Variants in FHIP2A observed in about 807,000 individuals in gnomAD.
FHIP2A encodes family with sequence similarity 160 member B1.
FHIP2A carries 46 observed loss-of-function variants against 93.5 expected under a neutral mutation model. The observed-to-expected ratio is 0.49, with a 90% CI of 0.39 to 0.63. FHIP2A has a LOEUF of 0.63. Among genes scored for constraint, FHIP2A ranks in the 20% least tolerant of loss-of-function variants. The pLI is 0.00. For synonymous variants in FHIP2A, 332 were observed against 326.5 expected (o/e 1.02, Z -0.18); for missense variants, 769 against 909.7 (o/e 0.85, Z 1.99).
In FHIP2A at chr10:114,822,082, T is replaced by A; in HGVS notation, c.4T>A (p.Phe2Ile). The change falls in exon 1 of 17, where the codon TTC (phenylalanine) becomes ATC (isoleucine). Residue 2 changes from phenylalanine to isoleucine, a missense_variant. Physicochemically the swap from Phe to Ile is conservative, Grantham distance 21. Transcript: ENST00000369248. ...GCTGCTGCAGTCCCGGGACAGGATGTTCTCCAAGTTCACCTCCATCCTGCA... is the reference window on the plus strand; with the variant it reads ...GCTGCTGCAGTCCCGGGACAGGATGATCTCCAAGTTCACCTCCATCCTGCA... Reference protein sequence around the residue: MFSKFTSILQHA... With the variant: MISKFTSILQHA... 1 of 1,338,960 alleles carries A rather than the reference T, an allele frequency of 7.5e-7. No individual in the cohort carries two copies. The highest frequency in any genetic ancestry group is 1.8e-5 in the South Asian group (1 of 54,944). The allele number at this position is 1,338,960 out of a possible 1,614,324, so 82.9% of individuals were successfully genotyped here.
chr10:114,890,750 TAC>T (rs2083968320), intron 16 of FHIP2A, among the ~76,000 whole-genome samples: 1 of 145,066 alleles, frequency 6.9e-6, no homozygotes, highest in Non-Finnish European at 1.5e-5. Context: ...GTATATGACA[TAC>T]ATATAGTATA....
chr10:114,887,764 G>T lies in FHIP2A; in HGVS notation c.2193-11726G>T, dbSNP rs60827950. ...AGGGTGTTTACATATACAAGGCATT[G>T]TACCAGGCTGTGAGAATGCCACACC... On this transcript the variant is annotated intron_variant, in intron 16 of 16. Transcript: ENST00000369250. Among the ~76,000 whole-genome samples, 125 of 152,296 alleles carry T rather than the reference G, an allele frequency of 8.2e-4. No homozygotes were observed. In the East Asian group the frequency reaches 0.015, roughly 19 times the overall value.
At chr10:114,836,499 A>G (rs11196941) in intron 5 of FHIP2A, among the ~76,000 whole-genome samples, 62,157 of 152,056 alleles carry the variant, frequency 0.41, 13,313 homozygotes, top group Non-Finnish European at 0.48. Flanking sequence ...TTAAAAGAGG[A>G]CAGCTTGAAG....
intron 16 of FHIP2A, among the ~76,000 whole-genome samples, chr10:114,885,213 G>T (rs34187191): frequency 0.27 from 40,351 of 151,774 alleles, 5,937 homozygotes; most frequent in Non-Finnish European, 0.35. Context: ...TGACCAACAT[G>T]GTGAAATCCC....
intron 5 of FHIP2A, among the ~76,000 whole-genome samples, chr10:114,836,489 TTAAAAGA>T (rs1178825220): frequency 9.2e-5 from 14 of 152,310 alleles, no homozygotes; most frequent in African/African-American, 2.9e-4. Flanking sequence ...AAGTCATGGC[TTAAAAGA>T]GGACAGCTTG....
Position 114,862,927 on chromosome 10 carries a change from CA to C in FHIP2A, c.*1388del, listed in dbSNP as rs1487316695. 2.0e-6 allele frequency: 2 copies of C among 985,272 alleles called. No individual in the cohort carries two copies. The highest frequency in any genetic ancestry group is 2.3e-4 in the East Asian group (2 of 8,824). 61.0% of individuals were successfully genotyped at this position (985,272 alleles called of 1,614,324 possible). A position where few individuals can be genotyped will look rare whatever the true frequency, so the allele number is the denominator to read the frequency against. On this transcript the variant is annotated 3_prime_UTR_variant, in exon 17 of 17. Transcript: ENST00000369248. ...TTTATGTAGCATGTTTGCATATACGCATTGTGTGGCATGTGCATAGAGGCTT... is the reference window on the plus strand; with the variant it reads ...TTTATGTAGCATGTTTGCATATACGCTTGTGTGGCATGTGCATAGAGGCTT...
chr10:114,841,771 CCTG>C (rs2083670299), intron 5 of FHIP2A, among the ~76,000 whole-genome samples: 1 of 151,994 alleles, frequency 6.6e-6, no homozygotes, highest in East Asian at 1.9e-4. Flanking sequence ...GAAGTAGAAC[CCTG>C]AATTCATTCA....
Position 114,830,865 on chromosome 10 carries a change from T to C in FHIP2A, c.59T>C (p.Leu20Pro). ...TTGTTTGTGTAGCTTGCACCTTCTC[T>C]TCCTTTACAAGAAGATTTTGTTTAT... ...QHAVEALAPSLPLQEDFVYHW... is the reference protein window; with the variant it reads ...QHAVEALAPSPPLQEDFVYHW... The change falls in exon 2 of 17, where the codon CTT (leucine) becomes CCT (proline). Residue 20 changes from leucine (L) to proline (P), a missense_variant. Physicochemically the swap from Leu to Pro is moderately conservative, Grantham distance 98. Coordinates refer to ENST00000369248, the MANE Select transcript of FHIP2A (RefSeq NM_020940.4). 1 of 1,608,638 alleles carries C rather than the reference T, an allele frequency of 6.2e-7. No homozygotes were observed. The highest frequency in any genetic ancestry group is 2.2e-5 in the East Asian group (1 of 44,710).
At chr10:114,843,659 A>T in intron 6 of FHIP2A, 82 bp from the exon 7 acceptor site, 1 of 1,082,382 alleles carries the variant, frequency 9.2e-7, no homozygotes, top group Non-Finnish European at 1.3e-6. Context: ...GTGAAACATT[A>T]AATCCTTTTA....
In FHIP2A at chr10:114,830,875, A is replaced by G. The variant is rs2083603846; in HGVS notation, c.69A>G (p.Gln23=). ...VEALAPSLPL[Q]EDFVYHWKAI... ...AGCTTGCACCTTCTCTTCCTTTACA[A>G]GAAGATTTTGTTTATCACTGGAAGG... Residue 23 remains glutamine (Q), a synonymous_variant, in exon 2 of 17, where the codon CAA becomes CAG. Coordinates refer to ENST00000369248, the MANE Select transcript of FHIP2A (RefSeq NM_020940.4). 1 of 1,609,880 alleles carries G rather than the reference A, an allele frequency of 6.2e-7. No homozygotes were observed. Among genetic ancestry groups the G allele is most frequent in the Admixed American group, 1.7e-5 (1 of 59,606 alleles).
chr10:114,848,184 G>T (rs1023841294), intron 12 of FHIP2A, among the ~76,000 whole-genome samples: 1 of 151,870 alleles, frequency 6.6e-6, no homozygotes, highest in African/African-American at 2.4e-5. Context: ...TGATATACCT[G>T]GTTCTGGCAG....
At chr10:114,891,607 G>A (rs888675446) in intron 16 of FHIP2A, among the ~76,000 whole-genome samples, 1 of 148,714 alleles carries the variant, frequency 6.7e-6, no homozygotes, top group African/African-American at 2.5e-5. Context: ...ATATGTGTGT[G>A]TGTGTGTATA....
intron 3 of FHIP2A, 138 bp downstream of exon 3, chr10:114,833,540 G>T: frequency 1.2e-6 from 1 of 810,340 alleles, no homozygotes; most frequent in Non-Finnish European, 2.0e-6. Flanking sequence ...GTAGAAAAAA[G>T]AAAATTGTGT....
intron 1 of FHIP2A, among the ~76,000 whole-genome samples, chr10:114,825,249 T>G (rs751102196): frequency 6.6e-6 from 1 of 152,136 alleles, no homozygotes; most frequent in Non-Finnish European, 1.5e-5. Flanking sequence ...TGGTCTCACA[T>G]TTTTGGGCTT....
chr10:114,898,412 C>A (rs192792861), intron 16 of FHIP2A, among the ~76,000 whole-genome samples: 1 of 152,284 alleles, frequency 6.6e-6, no homozygotes, highest in Admixed American at 6.5e-5. Flanking sequence ...GTGAGAGACT[C>A]ATGGTTCCCT....
intron 15 of FHIP2A, 80 bp from the exon 16 acceptor site, chr10:114,861,151 G>A: frequency 6.4e-7 from 1 of 1,559,696 alleles, no homozygotes; most frequent in Admixed American, 2.0e-5. Flanking sequence ...TAGTAGGGAA[G>A]GAAGATTTTT....
intron 14 of FHIP2A, among the ~76,000 whole-genome samples, chr10:114,856,758 A>G (rs765361894): frequency 6.6e-6 from 1 of 152,240 alleles, no homozygotes; most frequent in African/African-American, 2.4e-5. Flanking sequence ...ATACTTTTCA[A>G]TTTCACCAGA....
intron 14 of FHIP2A, among the ~76,000 whole-genome samples, chr10:114,856,141 G>T (rs773871810): frequency 6.6e-6 from 1 of 152,084 alleles, no homozygotes; most frequent in Admixed American, 6.5e-5. Flanking sequence ...ATTTATGTGA[G>T]CATAGGGAGT....
rs570308866 is a variant in FHIP2A, at chr10:114,871,392, C to G, written c.2192+10058C>G. Among the ~76,000 whole-genome samples, 7 of 152,174 alleles carry G rather than the reference C, an allele frequency of 4.6e-5. No individual in the cohort carries two copies. The South Asian group carries it at 1.5e-3, about 32-fold the overall frequency. ...ATGCAGCAACAGTAGCATGGCAGGC[C>G]CCCTCTCAGAGACCAGAGTTCTACA... On this transcript the variant is annotated intron_variant, in intron 16 of 16. Coordinates refer to the FHIP2A transcript ENST00000369250.
Sources: gnomAD v4.1 joint callset for allele counts (sites outside exome capture counted in the v4.1 genomes callset) on GRCh38, gnomAD v4.1.1 for gene constraint, MANE v1.5 for transcripts, NCBI Gene and HGNC (gene_info 2026-07-23, HGNC 2026-07-21) for gene names.